OR3A2: variants seen among roughly 807,000 people sequenced by gnomAD.
OR3A2 encodes the protein olfactory receptor 3A2.
For synonymous variants in OR3A2, 126 were observed against 159.3 expected (o/e 0.79, Z 1.57); for missense variants, 318 against 392.8 (o/e 0.81, Z 1.61).
chr17:3,363,259 G>A (rs1482441874), intron 2 of OR3A2, among the ~76,000 whole-genome samples: 1 of 151,798 alleles, frequency 6.6e-6, no homozygotes, highest in Non-Finnish European at 1.5e-5. Context: ...TCATGCATAT[G>A]AGTATACACT....
downstream of OR3A2, among the ~76,000 whole-genome samples, chr17:3,276,116 G>GAA (rs1401659873): frequency 8.4e-6 from 1 of 118,574 alleles, no homozygotes; most frequent in African/African-American, 3.5e-5. Context: ...GAAAAAAAAA[G>GAA]AAAAAAAAAA....
At chr17:3,292,046 GTGAT>G in intron 3 of OR3A2, 1 of 1,614,228 alleles carries the variant, frequency 6.2e-7, no homozygotes, top group Non-Finnish European at 8.5e-7. Flanking sequence ...CACAGTAGAA[GTGAT>G]TGATCACATT....
At chr17:3,279,240 G>A (rs1388547509) in intron 1 of OR3A2, 87 bp from the exon 4 acceptor site, 4 of 421,804 alleles carry the variant, frequency 9.5e-6, no homozygotes, top group South Asian at 9.5e-5. Context: ...CGCCACAGGG[G>A]GGAAATGGGT....
intron 3 of OR3A2, chr17:3,310,755 G>A: frequency 1.8e-6 from 1 of 558,496 alleles, no homozygotes; most frequent in Non-Finnish European, 3.6e-6. Flanking sequence ...AGCCCTGGTG[G>A]GCATGTCATG....
At chr17:3,312,014 G>GA in intron 3 of OR3A2, 1 of 153,668 alleles carries the variant, frequency 6.5e-6, no homozygotes, top group South Asian at 2.1e-4. Context: ...GTATGGGCAG[G>GA]AAAAATCCTC....
chr17:3,344,981 TTC>T, intron 2 of OR3A2, among the ~76,000 whole-genome samples: 1 of 152,322 alleles, frequency 6.6e-6, no homozygotes, highest in East Asian at 1.9e-4. Flanking sequence ...AGAACTGCTT[TTC>T]TCTGTGTTGG....
chr17:3,376,336 T>C (rs534814908), intron 2 of OR3A2, among the ~76,000 whole-genome samples: 2 of 152,120 alleles, frequency 1.3e-5, no homozygotes, highest in African/African-American at 2.4e-5. Context: ...CAGGTGACGG[T>C]TGGGGCCACA....
intron 2 of OR3A2, among the ~76,000 whole-genome samples, chr17:3,355,356 TTGTC>T (rs2049457318): frequency 6.6e-6 from 1 of 151,310 alleles, no homozygotes; most frequent in African/African-American, 2.4e-5. Context: ...TTTTTGTTGA[TTGTC>T]TGTCTGGAAG....
intron 2 of OR3A2, among the ~76,000 whole-genome samples, chr17:3,359,789 A>G (rs1294900211): frequency 1.3e-5 from 2 of 151,616 alleles, no homozygotes; most frequent in African/African-American, 4.9e-5. Flanking sequence ...CATGGTGTGT[A>G]TGTGCCACAT....
At chr17:3,345,150 A>G (rs1392758077) in intron 2 of OR3A2, among the ~76,000 whole-genome samples, 2 of 152,236 alleles carry the variant, frequency 1.3e-5, no homozygotes, top group African/African-American at 4.8e-5. Flanking sequence ...TGATGTAGGT[A>G]GGACAATAAA....
At chr17:3,278,227 T>G (rs1470604247) in exon 2 of OR3A2, 1 of 1,614,154 alleles carries the variant, frequency 6.2e-7, no homozygotes, top group Non-Finnish European at 8.5e-7. Flanking sequence ...ACTGAACGGA[T>G]TCGTAGAACT....
intron 2 of OR3A2, among the ~76,000 whole-genome samples, chr17:3,338,173 CCT>C (rs2049287426): frequency 1.3e-5 from 2 of 152,066 alleles, no homozygotes; most frequent in Non-Finnish European, 2.9e-5. Context: ...GGACATTAGC[CCT>C]TTGTCAGATG....
intron 3 of OR3A2, among the ~76,000 whole-genome samples, chr17:3,304,746 T>C (rs1456730867): frequency 2.0e-5 from 3 of 152,218 alleles, no homozygotes; most frequent in African/African-American, 4.8e-5. Flanking sequence ...CTGCGGTCCA[T>C]ATGATTTCAT....
intron 1 of OR3A2, among the ~76,000 whole-genome samples, chr17:3,282,086 A>T (rs2048780005): frequency 1.3e-5 from 2 of 152,130 alleles, no homozygotes; most frequent in East Asian, 3.9e-4. Flanking sequence ...TGATCCAGCC[A>T]CTTCCACAAA....
At chr17:3,370,915 A>C (rs1422321585) in intron 2 of OR3A2, among the ~76,000 whole-genome samples, 1 of 152,154 alleles carries the variant, frequency 6.6e-6, no homozygotes, top group African/African-American at 2.4e-5. Flanking sequence ...TGGACACAGC[A>C]CATGTTTCAG....
chr17:3,319,774 G>A (rs1424282764), intron 3 of OR3A2, among the ~76,000 whole-genome samples: 67 of 152,178 alleles, frequency 4.4e-4, no homozygotes, highest in East Asian at 1.2e-3. Context: ...CCAGTCTATT[G>A]TTGTTGGACA....
intron 3 of OR3A2, among the ~76,000 whole-genome samples, chr17:3,333,161 C>G (rs1018340419): frequency 2.0e-5 from 3 of 152,160 alleles, no homozygotes; most frequent in African/African-American, 4.8e-5. Context: ...GGGTGGAGGT[C>G]TATAAATTGC....
chr17:3,283,604 A>G (rs1314103170), intron 1 of OR3A2, among the ~76,000 whole-genome samples: 9 of 152,162 alleles, frequency 5.9e-5, no homozygotes, highest in Non-Finnish European at 1.0e-4. Flanking sequence ...CTCAGGGAAG[A>G]CTTTCTGGAC....
At position 3,356,240 on chromosome 17, in the gene OR3A2, T is replaced by G. The variant is rs139050790; in HGVS notation, c.-178-20114A>C. Among the ~76,000 whole-genome samples the G allele has an allele frequency of 1.8e-3, 270 of 151,678 alleles. 9 individuals are homozygous for G. Among genetic ancestry groups the G allele is most frequent in the African/African-American group, 6.0e-3 (245 of 41,090 alleles). On this transcript the variant is annotated intron_variant, in intron 2 of 4. Transcript: ENST00000573491. ...TTATTATTTTTTATTGGTTCATCAT[T>G]TAGTCTTTCTATTTGAGTAGTTTAC...
Sources: allele counts gnomAD v4.1 joint callset (sites outside exome capture counted in the v4.1 genomes callset), GRCh38; gene constraint gnomAD v4.1.1; transcripts MANE v1.5; gene names NCBI Gene and HGNC (gene_info 2026-07-23, HGNC 2026-07-21).